The following ALDH4A1 variants were observed in gnomAD, a reference collection of about 807,000 sequenced individuals.
ALDH4A1 encodes aldehyde dehydrogenase 4 family member A1.
A neutral mutation model predicts 70.5 loss-of-function variants in ALDH4A1; 46 were observed. The observed-to-expected ratio is 0.65, with a 90% CI of 0.51 to 0.83. The LOEUF (loss-of-function observed/expected upper bound fraction) is 0.83, where lower values mean the gene tolerates loss of function less well. Among genes scored for constraint, ALDH4A1 ranks in the 40% least tolerant of loss-of-function variants. ALDH4A1 has a pLI of 0.00. For synonymous variants in ALDH4A1, 323 were observed against 324.3 expected (o/e 1.00, Z 0.04); for missense variants, 749 against 766.5 (o/e 0.98, Z 0.27).
chr1:18,877,381 C>G, intron 10 of ALDH4A1, 35 bp downstream of exon 10: 5 of 1,552,942 alleles, frequency 3.2e-6, no homozygotes, highest in Non-Finnish European at 4.4e-6. Context: ...ATCAGCCCCC[C>G]GCTGGGCCGC....
intron 1 of ALDH4A1, 36 bp from the exon 2 acceptor site, chr1:18,890,141 T>C (rs1569780351): frequency 6.4e-7 from 1 of 1,553,504 alleles, no homozygotes; most frequent in Non-Finnish European, 8.8e-7. Flanking sequence ...GGCAGAGAGG[T>C]CAGCAGCGGC....
At chr1:18,885,257 C>T (rs1935146433) in intron 5 of ALDH4A1, 3 of 598,206 alleles carry the variant, frequency 5.0e-6, no homozygotes, top group Non-Finnish European at 8.9e-6. Context: ...GGGGACATTT[C>T]CGAGGCAGGA....
intron 1 of ALDH4A1, chr1:18,900,878 C>T: frequency 1.0e-6 from 1 of 985,292 alleles, no homozygotes; most frequent in Non-Finnish European, 1.2e-6. Context: ...TACTTACCGG[C>T]TCGGTGTTAG....
At position 18,894,975 on chromosome 1, in the gene ALDH4A1, C is replaced by T. The variant is rs548681459; in HGVS notation, c.63-4870G>A. Among the ~76,000 whole-genome samples, 8 of 150,458 alleles carry T rather than the reference C, an allele frequency of 5.3e-5. No individual in the cohort carries two copies. The East Asian group carries it at 1.6e-3, about 29-fold the overall frequency. On this transcript the variant is annotated intron_variant, in intron 1 of 14. Coordinates refer to ENST00000375341, the MANE Select transcript of ALDH4A1 (RefSeq NM_003748.4). ...GATGAATCAGTCACAGGACTTGGGG[C>T]CTCTCTGAGGATCCATGAGGACCTT...
chr1:18,878,063 G>A (rs755101095), intron 9 of ALDH4A1, among the ~76,000 whole-genome samples: 3 of 151,964 alleles, frequency 2.0e-5, no homozygotes, highest in African/African-American at 7.3e-5. Context: ...TCCTCCCCAC[G>A]CGTGCTGGAA....
At chr1:18,894,412 A>T (rs574329409) in intron 1 of ALDH4A1, among the ~76,000 whole-genome samples, 32 of 152,196 alleles carry the variant, frequency 2.1e-4, no homozygotes, top group Admixed American at 7.9e-4. Context: ...ACGTGGTGGC[A>T]CGCGCCTATA....
intron 5 of ALDH4A1, among the ~76,000 whole-genome samples, chr1:18,885,014 G>A (rs1369285571): frequency 6.6e-6 from 1 of 152,166 alleles, no homozygotes; most frequent in Non-Finnish European, 1.5e-5. Context: ...GCTGGACAGA[G>A]GTGGGCAGAA....
intron 5 of ALDH4A1, among the ~76,000 whole-genome samples, chr1:18,883,795 C>T (rs924507076): frequency 2.0e-5 from 3 of 152,182 alleles, no homozygotes; most frequent in African/African-American, 7.2e-5. Flanking sequence ...GCCTTCCAGA[C>T]AGAAGGGCAG....
Position 18,873,201 on chromosome 1 carries a change from C to T in ALDH4A1, c.1580-244G>A, listed in dbSNP as rs146713871. ...CCAGCCTTGCATCCTTGCTGGGATG[C>T]GAGGATGTCTAAGAGGCAGGGTGTG... On this transcript the variant is annotated intron_variant, in intron 14 of 14. Coordinates refer to ENST00000375341, the MANE Select transcript of ALDH4A1 (RefSeq NM_003748.4). 2.1e-3 allele frequency among the ~76,000 whole-genome samples: 324 copies of T among 152,054 alleles called. 2 individuals are homozygous for T. Among genetic ancestry groups the T allele is most frequent in the African/African-American group, 7.5e-3 (313 of 41,460 alleles).
rs578065275 is a variant in ALDH4A1, at chr1:18,877,704, G to A, written c.941-92C>T. 5.8e-4 allele frequency: 844 copies of A among 1,458,722 alleles called. 3 individuals carry two copies. The highest frequency in any genetic ancestry group is 3.9e-3 in the South Asian group (326 of 83,406). 90.4% of individuals were successfully genotyped at this position (1,458,722 alleles called of 1,614,324 possible). ...ACACCACCTACGCCATCCATGGCCCGGGACCAACACGAGCACGGAGCAGCC... is the reference window on the plus strand; with the variant it reads ...ACACCACCTACGCCATCCATGGCCCAGGACCAACACGAGCACGGAGCAGCC... On this transcript the variant is annotated intron_variant, in intron 9 of 14. Transcript: ENST00000375341.
At chr1:18,882,546 C>T in intron 7 of ALDH4A1, 2 of 529,986 alleles carry the variant, frequency 3.8e-6, no homozygotes, top group Non-Finnish European at 7.8e-6. Flanking sequence ...CCGAGAGAGA[C>T]TACATCCAAA....
At position 18,876,456 on chromosome 1, in the gene ALDH4A1, A is replaced by G. The variant is rs1185025135; in HGVS notation, c.1197T>C (p.Arg399=). The G allele has an allele frequency of 2.5e-6, 4 of 1,598,070 alleles. No individual in the cohort carries two copies. In the African/African-American group the frequency reaches 4.0e-5, roughly 16 times the overall value. ...GTGCGTGCTCCAGCCACTTCTTGAT[A>G]CGGGCAAAGGACTGGGGTGGGCAGG... The part of the protein sequence containing the change: ...SAVIDAKSFA[R]IKKWLEHARS... Residue 399 remains arginine, a synonymous_variant, in exon 12 of 15, where the codon CGT becomes CGC. Coordinates refer to ENST00000375341, the MANE Select transcript of ALDH4A1 (RefSeq NM_003748.4).
chr1:18,889,410 C>G lies in ALDH4A1; in HGVS notation c.201G>C (p.Val67=). 6.4e-7 allele frequency: 1 copy of G among 1,552,920 alleles called. No homozygotes were observed. The highest frequency in any genetic ancestry group is 8.7e-7 in the Non-Finnish European group (1 of 1,147,668). ...ACGTCCACACCTCCTCATCCCCCAC[C>G]ACGCATGGGATGGCTTCCATCCGGC... ...LKGRMEAIPC[V]VGDEEVWTSD... is the part of the protein sequence containing the mutation. The change falls in exon 3 of 15, where the codon GTG becomes GTC. Residue 67 remains valine, a synonymous_variant. Transcript: ENST00000375341.
rs936314799 is a variant in ALDH4A1 at position 18,880,497 on chromosome 1, C to T, written c.867-1124G>A. On this transcript the variant is annotated intron_variant, in intron 8 of 14. Coordinates refer to ENST00000375341, the MANE Select transcript of ALDH4A1 (RefSeq NM_003748.4). The surrounding 1 kb of genome is among the most constrained non-coding windows in gnomAD (Gnocchi z 5.1). ...CACATCCCCCATCTCTCCCCTGGTT[C>T]AAGCCCCTACCACCCCTCCCTGGAG... is the stretch of plus-strand genomic sequence containing the variant. 2.6e-5 allele frequency among the ~76,000 whole-genome samples: 4 copies of T among 152,212 alleles called. No individual in the cohort carries two copies. Among genetic ancestry groups the T allele is most frequent in the East Asian group, 1.9e-4 (1 of 5,166 alleles).
At chr1:18,874,866 G>A (rs1934604710) in intron 13 of ALDH4A1, among the ~76,000 whole-genome samples, 1 of 152,210 alleles carries the variant, frequency 6.6e-6, no homozygotes, top group African/African-American at 2.4e-5. Flanking sequence ...CTGTCCCTCA[G>A]GAGCAGCGGA....
At chr1:18,877,137 A>T in intron 11 of ALDH4A1, 71 bp downstream of exon 11, 1 of 1,554,698 alleles carries the variant, frequency 6.4e-7, no homozygotes. Flanking sequence ...GGTACCCTGT[A>T]TCTCTTCCTC....
At chr1:18,901,024 G>A (rs1391640225) in intron 1 of ALDH4A1, 2 of 500,622 alleles carry the variant, frequency 4.0e-6, no homozygotes, top group Non-Finnish European at 5.2e-6. Flanking sequence ...CTCCTCAAAG[G>A]CCCCACCCCA....
In ALDH4A1 at chr1:18,886,516, AAGGAG is replaced by A; in HGVS notation, c.250-10_250-6del. On this transcript the variant is annotated splice_polypyrimidine_tract_variant and splice_region_variant and intron_variant, in intron 3 of 14. Coordinates refer to ENST00000375341, the MANE Select transcript of ALDH4A1 (RefSeq NM_003748.4). ...CTTATGTCCATGGTTAAAAGGCTGA[AAGGAG>A]AGAAGAGTGAGGTCCTTGCCCGGGA... 1.2e-6 allele frequency: 2 copies of A among 1,614,068 alleles called. No individual in the cohort carries two copies. Among genetic ancestry groups the A allele is most frequent in the African/African-American group, 1.3e-5 (1 of 75,036 alleles).
At chr1:18,877,302 G>T (rs757752207) in intron 10 of ALDH4A1, 47 bp from the exon 11 acceptor site, 21 of 1,573,736 alleles carry the variant, frequency 1.3e-5, no homozygotes, top group Non-Finnish European at 1.7e-5. Flanking sequence ...TGCAGGCCGA[G>T]ACCAAGGGAG....
Sources: gnomAD v4.1 joint callset for allele counts (sites outside exome capture counted in the v4.1 genomes callset) on GRCh38, gnomAD v4.1.1 for gene constraint, Gnocchi (gnomAD v3.1) non-coding constraint, MANE v1.5 for transcripts, NCBI Gene and HGNC (gene_info 2026-07-23, HGNC 2026-07-21) for gene names.